Variants in RIOK2 observed in about 807,000 individuals in gnomAD.
The protein encoded by RIOK2 is RIO kinase 2.
In RIOK2, 46 loss-of-function variants were observed where a neutral mutation model predicts 62.4. The observed-to-expected ratio is 0.74, with a 90% CI of 0.58 to 0.94. The LOEUF is 0.94. Among genes scored for constraint, RIOK2 ranks in the 40% least tolerant of loss-of-function variants. The probability of loss-of-function intolerance (pLI) is 0.00; values close to 1 mark genes in which losing one functional copy is unlikely to be tolerated. For missense variants in RIOK2, 574 were observed against 658.0 expected (o/e 0.87, Z 1.40); for synonymous variants, 197 against 216.0 (o/e 0.91, Z 0.77).
chr5:97,169,303 C>T (rs1393076394), intron 6 of RIOK2, among the ~76,000 whole-genome samples: 1 of 152,180 alleles, frequency 6.6e-6, no homozygotes, highest in Non-Finnish European at 1.5e-5. Context: ...TAATATTAAA[C>T]AGTTAAGTTT....
At chr5:97,165,848 C>A (rs573599474) in intron 8 of RIOK2, among the ~76,000 whole-genome samples, 1 of 152,144 alleles carries the variant, frequency 6.6e-6, no homozygotes, top group Admixed American at 6.5e-5. Flanking sequence ...GTTAACTTGA[C>A]TGGGCCTCAG....
intron 9 of RIOK2, among the ~76,000 whole-genome samples, chr5:97,164,501 G>A (rs965465166): frequency 6.6e-6 from 1 of 151,068 alleles, no homozygotes; most frequent in East Asian, 2.0e-4. Flanking sequence ...TGGATGACAA[G>A]AGCAAAACTC....
chr5:97,165,015 T>C lies in RIOK2; in HGVS notation c.1494+36A>G, dbSNP rs768370200. On this transcript the variant is annotated intron_variant, in intron 9 of 9. Transcript: ENST00000283109. ...AGGCAATCAGATCACAGTAGTGATGTAATAAACATTCAGTACATGTTGAAT... is the reference window on the plus strand; with the variant it reads ...AGGCAATCAGATCACAGTAGTGATGCAATAAACATTCAGTACATGTTGAAT... 9.0e-6 allele frequency: 12 copies of C among 1,331,334 alleles called. No homozygotes were observed. The East Asian group carries it at 1.9e-4, about 21-fold the overall frequency. 82.5% of individuals were successfully genotyped at this position (1,331,334 alleles called of 1,614,324 possible). A position where few individuals can be genotyped will look rare whatever the true frequency, so the allele number is the denominator to read the frequency against.
chr5:97,168,680 G>T, intron 7 of RIOK2, 80 bp downstream of exon 7: 1 of 897,862 alleles, frequency 1.1e-6, no homozygotes, highest in Non-Finnish European at 1.6e-6. Flanking sequence ...AAGTTTTTTA[G>T]ATGAAAATGT....
Position 97,167,494 on chromosome 5 carries a change from G to C in RIOK2, c.1370C>G (p.Ser457Ter). The C allele has an allele frequency of 6.2e-7, 1 of 1,614,050 alleles. No individual in the cohort carries two copies. Among genetic ancestry groups the C allele is most frequent in the Non-Finnish European group, 8.5e-7 (1 of 1,179,990 alleles). The change falls in exon 8 of 10, where the codon TCA (serine) becomes TGA (stop). Residue 457 changes from serine (S) to a stop codon, truncating the protein, a stop_gained. Coordinates refer to ENST00000283109, the MANE Select transcript of RIOK2 (RefSeq NM_018343.3). LOFTEE classifies it high-confidence loss of function. ...GAAAGGCCTGAATTCTCTATTTAAT[G>C]ACGACAAGGCAATTAGATGAGGGCA... Reference protein sequence around the residue: ...DECPHLIALSSLNREFRPFRD... With the variant: ...DECPHLIALS
chr5:97,182,102 C>T lies in RIOK2; in HGVS notation c.66+1024G>A, dbSNP rs538256042. ...TCCTTATCATGGGGTTCACTCCTTA[C>T]CAAAAGATAACGGCTCCTAAATAAA... is the stretch of plus-strand genomic sequence containing the variant. On this transcript the variant is annotated intron_variant, in intron 1 of 9. Transcript: ENST00000283109. Among the ~76,000 whole-genome samples the T allele has an allele frequency of 3.4e-5, 5 of 148,012 alleles. No homozygotes were observed. The East Asian group carries it at 9.9e-4, about 29-fold the overall frequency.
chr5:97,177,440 C>G, intron 3 of RIOK2, 149 bp from the exon 4 acceptor site: 1 of 762,590 alleles, frequency 1.3e-6, no homozygotes, highest in Non-Finnish European at 2.0e-6. Flanking sequence ...ACCTTCGGAC[C>G]AGAAGTGTTT....
chr5:97,180,218 T>C (rs530515882), intron 1 of RIOK2, among the ~76,000 whole-genome samples: 1 of 144,628 alleles, frequency 6.9e-6, no homozygotes, highest in South Asian at 2.2e-4. Flanking sequence ...AAAAATGGTA[T>C]ACATCTAAGT....
chr5:97,183,234 G>A lies in RIOK2; in HGVS notation c.-43C>T, dbSNP rs763016232. The stretch of plus-strand genomic sequence containing the variant: ...CCCAGATGCCTCTCCGACGACAGCC[G>A]CAAAGCGTAAGGCAGGTCGTTATTC... On this transcript the variant is annotated 5_prime_UTR_variant, in exon 1 of 10. Coordinates refer to ENST00000283109, the MANE Select transcript of RIOK2 (RefSeq NM_018343.3). 1 of 1,604,734 alleles carries A rather than the reference G, an allele frequency of 6.2e-7. No homozygotes were observed. The highest frequency in any genetic ancestry group is 2.2e-5 in the East Asian group (1 of 44,826).
chr5:97,177,908 T>A, intron 2 of RIOK2, 60 bp from the exon 3 acceptor site: 1 of 996,572 alleles, frequency 1.0e-6, no homozygotes, highest in South Asian at 1.5e-5. Context: ...CCAAGTCACG[T>A]AAGTTCAAGT....
At chr5:97,172,206 T>A (rs1749028860) in intron 5 of RIOK2, among the ~76,000 whole-genome samples, 1 of 152,160 alleles carries the variant, frequency 6.6e-6, no homozygotes, top group Admixed American at 6.5e-5. Context: ...AAATACCACA[T>A]ATACACTGAT....
Position 97,163,219 on chromosome 5 carries a change from C to G in RIOK2, c.1501G>C (p.Val501Leu), listed in dbSNP as rs767338791. Residue 501 changes from valine to leucine, a missense_variant, in exon 10 of 10, where the codon GTG becomes CTG. By Grantham distance (32) the Val-to-Leu change is conservative. Transcript: ENST00000283109. ...AACTGACGTTTCACCTTCTGTTTCA[C>G]CAGTTCCTGGAAAGATTTCATAAAT... Reference protein sequence around the residue: ...VSCSTIPPELVKQKVKRQLTK... With the variant: ...VSCSTIPPELLKQKVKRQLTK... 6.2e-7 allele frequency: 1 copy of G among 1,612,886 alleles called. No homozygotes were observed. Among genetic ancestry groups the G allele is most frequent in the Non-Finnish European group, 8.5e-7 (1 of 1,179,652 alleles).
intron 9 of RIOK2, among the ~76,000 whole-genome samples, chr5:97,164,067 A>AT (rs1020188092): frequency 3.9e-5 from 6 of 151,962 alleles, no homozygotes; most frequent in African/African-American, 1.4e-4. Flanking sequence ...TAACTTTTAA[A>AT]TTTTTTGTAG....
In RIOK2 at chr5:97,179,181, T is replaced by C. The variant is rs929457483; in HGVS notation, c.79A>G (p.Met27Val). 6.2e-6 allele frequency: 10 copies of C among 1,613,404 alleles called. No homozygotes were observed. The Admixed American group carries it at 1.5e-4, about 24-fold the overall frequency. The stretch of plus-strand genomic sequence containing the variant: ...CCGGGAACAATTTCATGGTTCTTCA[T>C]GCCCATTTCAACCTGAAATTAAAGG... Reference protein sequence around the residue: ...FRVLTAVEMGMKNHEIVPGSL... With the variant: ...FRVLTAVEMGVKNHEIVPGSL... Residue 27 changes from methionine to valine, a missense_variant, in exon 2 of 10, where the codon ATG becomes GTG. Transcript: ENST00000283109.
intron 8 of RIOK2, chr5:97,166,288 A>G: frequency 2.2e-6 from 1 of 454,930 alleles, no homozygotes; most frequent in Non-Finnish European, 4.4e-6. Context: ...AGCCTCTGTC[A>G]CCCCTCTTTT....
intron 6 of RIOK2, among the ~76,000 whole-genome samples, chr5:97,170,636 T>C (rs1748977168): frequency 6.6e-6 from 1 of 152,210 alleles, no homozygotes; most frequent in South Asian, 2.1e-4. Context: ...GTTCCATGGC[T>C]AAGAAAATTT....
At chr5:97,183,003 C>T in intron 1 of RIOK2, 123 bp downstream of exon 1, 1 of 1,047,836 alleles carries the variant, frequency 9.5e-7, no homozygotes, top group East Asian at 2.4e-5. Flanking sequence ...CTTCTCCATT[C>T]CCAGCTTCTG....
At chr5:97,174,052 C>T (rs1385996865) in intron 4 of RIOK2, among the ~76,000 whole-genome samples, 1 of 152,234 alleles carries the variant, frequency 6.6e-6, no homozygotes, top group African/African-American at 2.4e-5. Flanking sequence ...TGTTCTAGCT[C>T]TTGCCATCAT....
intron 4 of RIOK2, among the ~76,000 whole-genome samples, chr5:97,175,131 A>G (rs2066096610): frequency 6.6e-6 from 1 of 152,206 alleles, no homozygotes; most frequent in Admixed American, 6.5e-5. Flanking sequence ...TTTAAGACAC[A>G]GATCGTACTG....
Sources: allele counts gnomAD v4.1 joint callset (sites outside exome capture counted in the v4.1 genomes callset), GRCh38; gene constraint gnomAD v4.1.1; transcripts MANE v1.5; gene names NCBI Gene and HGNC (gene_info 2026-07-23, HGNC 2026-07-21).